Variants in PPP4R3A observed in about 807,000 individuals in gnomAD.
PPP4R3A encodes the protein serine/threonine-protein phosphatase 4 regulatory subunit 3A.
In PPP4R3A, 15 loss-of-function variants were observed where a neutral mutation model predicts 91.7. The observed-to-expected ratio is 0.16, with a 90% confidence interval of 0.11 to 0.25. PPP4R3A has a LOEUF of 0.25. PPP4R3A is among the 10% of genes least tolerant of loss of function. The pLI, the probability that PPP4R3A is intolerant of heterozygous loss-of-function variation, is 1.00. For synonymous variants in PPP4R3A, 377 were observed against 348.7 expected (o/e 1.08, Z -0.91); for missense variants, 623 against 998.4 (o/e 0.62, Z 5.07).
chr14:91,460,636 C>CTTT (rs1567143274), intron 14 of PPP4R3A, among the ~76,000 whole-genome samples: 2 of 98,338 alleles, frequency 2.0e-5, no homozygotes, highest in African/African-American at 3.7e-5. Flanking sequence ...AGATTTTGTT[C>CTTT]CTTTTTTTTT....
chr14:91,471,282 A>C (rs1159542589), intron 9 of PPP4R3A, among the ~76,000 whole-genome samples: 1 of 152,208 alleles, frequency 6.6e-6, no homozygotes, highest in Non-Finnish European at 1.5e-5. Flanking sequence ...TTATGATACA[A>C]ATCTAGAGTA....
At position 91,458,881 on chromosome 14, in the gene PPP4R3A, T is replaced by C; in HGVS notation, c.2392-12A>G. The C allele has an allele frequency of 6.3e-7, 1 of 1,590,272 alleles. No individual in the cohort carries two copies. The highest frequency in any genetic ancestry group is 8.6e-7 in the Non-Finnish European group (1 of 1,169,274). On this transcript the variant is annotated splice_polypyrimidine_tract_variant and intron_variant, in intron 14 of 14. Coordinates refer to ENST00000554943, the MANE Select transcript of PPP4R3A (RefSeq NM_001366432.2). ...CCCACGAGGCCTCCCTGTTAAGAAA[T>C]AAGGATTATTTAAAGAACAGAAAAT...
rs867665153 is a variant in PPP4R3A at position 91,481,623 on chromosome 14, G to T, written c.868C>A (p.His290Asn). Residue 290 changes from histidine (H) to asparagine (N), a missense_variant, in exon 4 of 15, where the codon CAC (histidine) becomes AAC (asparagine). Around this residue, in one of 5 missense-constraint regions of PPP4R3A, gnomAD observed 264 missense variants for 377.3 expected, o/e 0.70. Transcript: ENST00000554943. ...VFEENMLSTL[H>N]SFIFFNKVEI... ...ACCTTATTGAAAAAGATAAAAGAGT[G>T]AAGTGTTGATAACATGTTTTCTTCA... is the stretch of plus-strand genomic sequence containing the variant. The T allele has an allele frequency of 6.2e-7, 1 of 1,600,982 alleles. No homozygotes were observed. The highest frequency in any genetic ancestry group is 2.2e-5 in the East Asian group (1 of 44,754).
chr14:91,488,802 G>A (rs6575196), intron 2 of PPP4R3A, among the ~76,000 whole-genome samples: 7,343 of 152,066 alleles, frequency 0.048, 412 homozygotes, highest in African/African-American at 0.13. Context: ...CTATGTGGCA[G>A]GTAATGCTTA....
At chr14:91,466,461 G>C in intron 10 of PPP4R3A, 15 of 985,740 alleles carry the variant, frequency 1.5e-5, no homozygotes, top group Non-Finnish European at 1.7e-5. Flanking sequence ...TTTTTCTTTA[G>C]TTGGCAGAAA....
rs1891663665 is a variant in PPP4R3A at position 91,509,721 on chromosome 14, C to T, written c.-74G>A. 4 of 1,468,438 alleles carry T rather than the reference C, an allele frequency of 2.7e-6. No homozygotes were observed. In the African/African-American group the frequency reaches 4.4e-5, roughly 16 times the overall value. The allele number at this position is 1,468,438 out of a possible 1,614,324, so 91.0% of individuals were successfully genotyped here. ...AAAGGGGCCCTGGAGAGGCGAGGGG[C>T]GAGGCGTGAGGGCGCCCGCGAGCGG... is the stretch of plus-strand genomic sequence containing the variant. On this transcript the variant is annotated 5_prime_UTR_variant, in exon 1 of 15. Transcript: ENST00000554943.
At chr14:91,472,458 GTTTT>G (rs76707705) in intron 9 of PPP4R3A, among the ~76,000 whole-genome samples, 2 of 133,162 alleles carry the variant, frequency 1.5e-5, no homozygotes, top group Admixed American at 7.7e-5. Flanking sequence ...CAGGAAAATT[GTTTT>G]TTTTTTTTTT....
intron 1 of PPP4R3A, among the ~76,000 whole-genome samples, chr14:91,507,324 A>C (rs921992992): frequency 1.3e-4 from 18 of 143,452 alleles, no homozygotes; most frequent in African/African-American, 4.5e-4. Context: ...CCAATCTCAA[A>C]AAAAAAATCT....
At chr14:91,485,165 C>G (rs1194742267) in intron 3 of PPP4R3A, among the ~76,000 whole-genome samples, 1 of 152,102 alleles carries the variant, frequency 6.6e-6, no homozygotes. Context: ...ATAAACCAGG[C>G]AAGAAATGAT....
chr14:91,494,905 T>C (rs534696586), intron 1 of PPP4R3A, among the ~76,000 whole-genome samples: 2 of 152,242 alleles, frequency 1.3e-5, no homozygotes, highest in East Asian at 3.9e-4. Context: ...TACCATTTAG[T>C]ACCCACTAGA....
intron 11 of PPP4R3A, 91 bp from the exon 12 acceptor site, chr14:91,462,968 T>C: frequency 1.0e-6 from 1 of 994,686 alleles, no homozygotes; most frequent in Non-Finnish European, 1.5e-6. Flanking sequence ...CCACCAAAAA[T>C]AGCTTAATTT....
chr14:91,459,772 T>C (rs1319880316), intron 14 of PPP4R3A, among the ~76,000 whole-genome samples: 1 of 151,298 alleles, frequency 6.6e-6, no homozygotes, highest in South Asian at 2.1e-4. Context: ...AAGGTGGAGA[T>C]TGCAGTGAGC....
At chr14:91,492,423 T>C (rs576308391) in intron 1 of PPP4R3A, among the ~76,000 whole-genome samples, 3 of 152,380 alleles carry the variant, frequency 2.0e-5, no homozygotes, top group Admixed American at 6.5e-5. Context: ...ATTTGTTTTA[T>C]GAATGCTGTC....
At chr14:91,504,834 A>C (rs1891187009) in intron 1 of PPP4R3A, among the ~76,000 whole-genome samples, 1 of 152,138 alleles carries the variant, frequency 6.6e-6, no homozygotes, top group South Asian at 2.1e-4. Context: ...GGCCACAAGT[A>C]CTTCCATTTA....
chr14:91,508,875 G>A (rs1311329951), intron 1 of PPP4R3A, among the ~76,000 whole-genome samples: 2 of 152,122 alleles, frequency 1.3e-5, no homozygotes, highest in Non-Finnish European at 2.9e-5. Context: ...TATATAGTAA[G>A]CTACACACAA....
intron 6 of PPP4R3A, 83 bp downstream of exon 6, chr14:91,476,325 A>G: frequency 9.7e-7 from 1 of 1,036,076 alleles, no homozygotes; most frequent in Middle Eastern, 2.9e-4. Context: ...ATTGGCTATA[A>G]TAGAATATTT....
chr14:91,482,376 T>C (rs1031917334), intron 3 of PPP4R3A, among the ~76,000 whole-genome samples, 183 bp from the exon 4 acceptor site: 1 of 152,192 alleles, frequency 6.6e-6, no homozygotes, highest in Non-Finnish European at 1.5e-5. Context: ...TTAAGGAAGT[T>C]AGTCAAAGTT....
Position 91,476,542 on chromosome 14 carries a change from G to T in PPP4R3A, c.994-18C>A. ...AAGTTAACCTGAAATTAGAAAAAAG[G>T]ATAAGTGATATAAAAAGTTTATTTT... On this transcript the variant is annotated intron_variant, in intron 5 of 14. Transcript: ENST00000554943. 2.5e-5 allele frequency: 36 copies of T among 1,463,680 alleles called. No individual in the cohort carries two copies. The highest frequency in any genetic ancestry group is 3.4e-5 in the Non-Finnish European group (36 of 1,063,760). 90.7% of individuals were successfully genotyped at this position (1,463,680 alleles called of 1,614,324 possible).
At chr14:91,504,640 G>A (rs1322816541) in intron 1 of PPP4R3A, among the ~76,000 whole-genome samples, 1 of 151,972 alleles carries the variant, frequency 6.6e-6, no homozygotes, top group African/African-American at 2.4e-5. Context: ...AAAGGGACGT[G>A]TTCTTACAAC....
Sources: gnomAD v4.1 joint callset for allele counts (sites outside exome capture counted in the v4.1 genomes callset) on GRCh38, gnomAD v4.1.1 for gene constraint, gnomAD v4.1.1 regional missense constraint, MANE v1.5 for transcripts, NCBI Gene and HGNC (gene_info 2026-07-23, HGNC 2026-07-21) for gene names.